The following ACTR3C variants were observed in gnomAD, a reference collection of about 807,000 sequenced individuals.
ACTR3C encodes actin related protein 3C.
A neutral mutation model predicts 26.3 loss-of-function variants in ACTR3C; 18 were observed. The ratio of observed to expected loss-of-function variants is 0.68; its 90% CI spans 0.47 to 1.01. The LOEUF is 1.01. ACTR3C is among the 50% of genes least tolerant of loss of function. ACTR3C has a pLI of 0.00. For synonymous variants in ACTR3C, 55 were observed against 94.5 expected (o/e 0.58, Z 2.42); for missense variants, 184 against 250.7 (o/e 0.73, Z 1.80).
the ACTR3C span, among the ~76,000 whole-genome samples, chr7:149,895,049 T>G: frequency 6.6e-6 from 1 of 151,770 alleles, no homozygotes; most frequent in Non-Finnish European, 1.5e-5. Context: ...GGAATACTAT[T>G]CAGCCATTTA....
chr7:150,267,156 G>A (rs767505679), intron 6 of ACTR3C, among the ~76,000 whole-genome samples: 2 of 152,176 alleles, frequency 1.3e-5, no homozygotes, highest in Non-Finnish European at 2.9e-5. Flanking sequence ...AGAAAGAAGC[G>A]TCAAATGACA....
At chr7:150,010,693 C>A in the ACTR3C span, among the ~76,000 whole-genome samples, 92 of 118,006 alleles carry the variant, frequency 7.8e-4, no homozygotes, top group African/African-American at 8.8e-4. Context: ...GACTCCATCT[C>A]AAAAAAAAAA....
the ACTR3C span, among the ~76,000 whole-genome samples, chr7:150,035,254 C>T: frequency 4.1e-5 from 3 of 73,882 alleles, no homozygotes; most frequent in African/African-American, 1.5e-4. Context: ...GTGGGGGAAC[C>T]AGGGGCTGGC....
the ACTR3C span, among the ~76,000 whole-genome samples, chr7:150,175,195 G>A: frequency 1.3e-5 from 2 of 148,304 alleles, 1 homozygote; most frequent in African/African-American, 5.3e-5. Flanking sequence ...AAAATATTAG[G>A]GAAATCATTA....
intron 6 of ACTR3C, among the ~76,000 whole-genome samples, chr7:150,284,411 C>T (rs1265589333): frequency 2.0e-5 from 3 of 152,062 alleles, no homozygotes; most frequent in African/African-American, 4.8e-5. Context: ...CTGGGCGTGG[C>T]GGCGTGCACC....
chr7:150,035,853 C>T, the ACTR3C span, among the ~76,000 whole-genome samples: 7 of 130,578 alleles, frequency 5.4e-5, no homozygotes, highest in South Asian at 2.4e-4. Context: ...TCCCCCCCTG[C>T]GATGGGGGTA....
chr7:150,041,496 G>T, the ACTR3C span: 1,916 of 203,826 alleles, frequency 9.4e-3, 175 homozygotes, highest in African/African-American at 0.051. Flanking sequence ...AACGATGGGG[G>T]GTCCTAAGCC....
intron 4 of ACTR3C, among the ~76,000 whole-genome samples, chr7:150,288,250 G>A (rs973187518): frequency 1.3e-5 from 2 of 149,164 alleles, no homozygotes; most frequent in African/African-American, 5.0e-5. Context: ...GGTCCAAATT[G>A]GAACCCCAAC....
the ACTR3C span, among the ~76,000 whole-genome samples, chr7:150,211,346 G>A: frequency 2.0e-5 from 3 of 149,284 alleles, no homozygotes; most frequent in South Asian, 2.1e-4. Context: ...GCAGTGGCAC[G>A]ATCTTGGTCA....
At chr7:150,161,222 A>ATATATATATATATATATTTTTTTTTTTT in the ACTR3C span, among the ~76,000 whole-genome samples, 2 of 120,418 alleles carry the variant, frequency 1.7e-5, no homozygotes, top group African/African-American at 7.1e-5. Flanking sequence ...ATATATATAT[A>ATATATATATATATATATTTTTTTTTTTT]TATTTATTAT....
At chr7:149,908,493 T>C in the ACTR3C span, among the ~76,000 whole-genome samples, 951 of 152,312 alleles carry the variant, frequency 6.2e-3, 8 homozygotes, top group African/African-American at 0.021. Context: ...TTTCTAGTGA[T>C]GTGAATACCC....
chr7:150,077,486 A>G, the ACTR3C span, among the ~76,000 whole-genome samples: 6 of 152,146 alleles, frequency 3.9e-5, no homozygotes, highest in Non-Finnish European at 7.4e-5. Context: ...GGGTTCGTGC[A>G]ATCTTCACAA....
At chr7:150,180,511 C>CTTTT in the ACTR3C span, among the ~76,000 whole-genome samples, 10 of 125,768 alleles carry the variant, frequency 8.0e-5, no homozygotes, top group African/African-American at 3.1e-4. Flanking sequence ...AGTAGTATAT[C>CTTTT]TTTTTTTTTT....
At chr7:150,292,524 G>A (rs1459488305) in intron 3 of ACTR3C, among the ~76,000 whole-genome samples, 3 of 129,946 alleles carry the variant, frequency 2.3e-5, no homozygotes, top group Admixed American at 2.2e-4. Context: ...TTTTTGAGAC[G>A]GAGTTTCGCT....
chr7:149,939,404 G>T, the ACTR3C span, among the ~76,000 whole-genome samples: 1 of 152,148 alleles, frequency 6.6e-6, no homozygotes, highest in South Asian at 2.1e-4. Context: ...GAGGAGAGAG[G>T]CAGGGGACTA....
the ACTR3C span, among the ~76,000 whole-genome samples, chr7:149,931,558 A>G: frequency 5.9e-5 from 9 of 152,144 alleles, no homozygotes; most frequent in African/African-American, 1.4e-4. Context: ...ATGGCTTTGC[A>G]TTTCCCCCAG....
chr7:150,281,153 G>A (rs1452190497), intron 6 of ACTR3C, among the ~76,000 whole-genome samples: 5 of 152,102 alleles, frequency 3.3e-5, no homozygotes, highest in African/African-American at 1.2e-4. Context: ...TACCCGGCAA[G>A]AGTGACCCAG....
chr7:150,031,215 T>A, the ACTR3C span, among the ~76,000 whole-genome samples: 2 of 149,532 alleles, frequency 1.3e-5, no homozygotes, highest in East Asian at 3.9e-4. Context: ...TGAGATTGTA[T>A]CACTGCACTC....
In ACTR3C at chr7:150,274,857, C is replaced by T. The variant is rs1356756627; in HGVS notation, c.564+9896G>A. Among the ~76,000 whole-genome samples, 8 of 152,232 alleles carry T rather than the reference C, an allele frequency of 5.3e-5. No individual in the cohort carries two copies. The highest frequency in any genetic ancestry group is 4.4e-5 in the Non-Finnish European group (3 of 68,048). Reference sequence around the variant, plus strand: ...TTCAGAAAACAAAGTGATCCCTTATCACTTTTGATACAGTGTGAGAAATCA... The same window carrying T: ...TTCAGAAAACAAAGTGATCCCTTATTACTTTTGATACAGTGTGAGAAATCA... On this transcript the variant is annotated intron_variant, in intron 6 of 7. Transcript: ENST00000683684. The surrounding 1 kb of genome is among the most constrained non-coding windows in gnomAD (Gnocchi z 4.1).
Sources: gnomAD v4.1 joint callset for allele counts (sites outside exome capture counted in the v4.1 genomes callset) on GRCh38, gnomAD v4.1.1 for gene constraint, Gnocchi (gnomAD v3.1) non-coding constraint, MANE v1.5 for transcripts, NCBI Gene and HGNC (gene_info 2026-07-23, HGNC 2026-07-21) for gene names.